FBXO11: variants seen among roughly 807,000 people sequenced by gnomAD.
FBXO11 encodes F-box protein 11, also known as F-box only protein 11.
FBXO11 carries 13 observed loss-of-function variants against 117.0 expected under a neutral mutation model. That is an observed-to-expected ratio of 0.11 (90% CI 0.07 to 0.18). FBXO11 has a LOEUF of 0.18. FBXO11 is among the 10% of genes least tolerant of loss of function. The pLI is 1.00. For missense variants in FBXO11, 767 were observed against 1,164.4 expected (o/e 0.66, Z 4.97); for synonymous variants, 490 against 380.5 (o/e 1.29, Z -3.35).
rs537760710 is a variant in FBXO11, at chr2:47,894,199, C to A, written c.232+11290G>T. Among the ~76,000 whole-genome samples, 6 of 152,232 alleles carry A rather than the reference C, an allele frequency of 3.9e-5. 1 individual carries two copies. The highest frequency in any genetic ancestry group is 1.4e-4 in the African/African-American group (6 of 41,554). ...GATGCTGGGCAGAGGCACTTTTTCACCTTCCTCCTATACACCAGGAACGGA... is the reference window on the plus strand; with the variant it reads ...GATGCTGGGCAGAGGCACTTTTTCAACTTCCTCCTATACACCAGGAACGGA... On this transcript the variant is annotated intron_variant, in intron 1 of 22. Transcript: ENST00000403359.
intron 11 of FBXO11, among the ~76,000 whole-genome samples, chr2:47,828,141 A>T (rs1436816591): frequency 6.6e-6 from 1 of 152,128 alleles, no homozygotes; most frequent in African/African-American, 2.4e-5. Context: ...CACCATGCCC[A>T]GCTAATTTTT....
Position 47,818,984 on chromosome 2 carries a change from C to T in FBXO11, c.1892G>A (p.Arg631Lys). 2 of 1,613,924 alleles carry T rather than the reference C, an allele frequency of 1.2e-6. No homozygotes were observed. Among genetic ancestry groups the T allele is most frequent in the Non-Finnish European group, 1.7e-6 (2 of 1,179,990 alleles). The stretch of plus-strand genomic sequence containing the variant: ...CTTGCCACTGTGTATCCGGTTTCTT[C>T]TCAGTACTGGAGTGCTGCCAGTTGT... ...WVTTGSTPVL[R>K]RNRIHSGKQV... Residue 631 changes from arginine to lysine, a missense_variant, in exon 15 of 23, where the codon AGA becomes AAA. Transcript: ENST00000403359.
chr2:47,883,851 C>CT (rs1001930390), intron 1 of FBXO11: 11 of 190,464 alleles, frequency 5.8e-5, no homozygotes, highest in Admixed American at 5.5e-4. Context: ...CAGCAAGCCA[C>CT]TTTGACAGAT....
At chr2:47,897,410 C>G (rs1380013806) in intron 1 of FBXO11, among the ~76,000 whole-genome samples, 1 of 152,136 alleles carries the variant, frequency 6.6e-6, no homozygotes, top group African/African-American at 2.4e-5. Context: ...TAAAGAAAAA[C>G]TTCTGGTCGG....
Position 47,863,055 on chromosome 2 carries a change from CAA to C in FBXO11, c.233-23288_233-23287del, listed in dbSNP as rs763187950. 3.2e-4 allele frequency among the ~76,000 whole-genome samples: 24 copies of C among 73,944 alleles called. No homozygotes were observed. The East Asian group carries it at 6.8e-3, about 21-fold the overall frequency. 48.5% of individuals were successfully genotyped at this position (73,944 alleles called of 152,430 possible). On this transcript the variant is annotated intron_variant, in intron 1 of 22. Transcript: ENST00000403359. ...GGGTGACAAGCGTAAAACTGTGTCT[CAA>C]AAAAAAAAAAAAAACAAAAAAACAA...
chr2:47,849,302 G>T (rs1171285272), intron 1 of FBXO11, among the ~76,000 whole-genome samples: 1 of 152,126 alleles, frequency 6.6e-6, no homozygotes, highest in African/African-American at 2.4e-5. Flanking sequence ...CTTGCTGTAA[G>T]CAAATGTTTC....
At chr2:47,859,727 TTAAAAA>T (rs1212918211) in intron 1 of FBXO11, among the ~76,000 whole-genome samples, 1 of 152,218 alleles carries the variant, frequency 6.6e-6, no homozygotes, top group African/African-American at 2.4e-5. Flanking sequence ...ATCATTTTGA[TTAAAAA>T]TATTTCCAAA....
At chr2:47,830,990 A>C (rs1266636001) in intron 11 of FBXO11, among the ~76,000 whole-genome samples, 2 of 151,982 alleles carry the variant, frequency 1.3e-5, no homozygotes, top group East Asian at 3.9e-4. Flanking sequence ...GTAGAGACAG[A>C]GTTTCACCAT....
chr2:47,834,971 A>G (rs915780879), intron 5 of FBXO11, 100 bp from the exon 6 acceptor site: 207 of 808,868 alleles, frequency 2.6e-4, no homozygotes, highest in Admixed American at 2.0e-4. Context: ...ACAAATCAAA[A>G]ATAATTCTCA....
intron 1 of FBXO11, among the ~76,000 whole-genome samples, chr2:47,855,257 G>C (rs1039841520): frequency 3.3e-5 from 5 of 151,252 alleles, no homozygotes; most frequent in African/African-American, 4.9e-5. Flanking sequence ...ATAGACTGCA[G>C]TGGCATGATC....
intron 1 of FBXO11, among the ~76,000 whole-genome samples, chr2:47,841,830 G>A (rs1039780382): frequency 1.3e-5 from 2 of 151,730 alleles, no homozygotes; most frequent in South Asian, 2.1e-4. Flanking sequence ...TGGTAGAGAC[G>A]GGGTTTCACC....
chr2:47,845,050 A>G (rs1673300917), intron 1 of FBXO11, among the ~76,000 whole-genome samples: 1 of 152,142 alleles, frequency 6.6e-6, no homozygotes, highest in East Asian at 1.9e-4. Context: ...CAACACTCAA[A>G]AGTACATTCT....
In FBXO11 at chr2:47,905,475, T is replaced by A; in HGVS notation, c.232+14A>T. On this transcript the variant is annotated intron_variant, in intron 1 of 22. Transcript: ENST00000403359. The stretch of plus-strand genomic sequence containing the variant: ...CCCGGGAAGGCGGGCGGTTGGGAGG[T>A]AGCGCGGCCTTACCCCGCTCGCCGA... 8.2e-7 allele frequency: 1 copy of A among 1,220,562 alleles called. No homozygotes were observed. The highest frequency in any genetic ancestry group is 1.0e-6 in the Non-Finnish European group (1 of 981,194). 75.6% of individuals were successfully genotyped at this position (1,220,562 alleles called of 1,614,324 possible). A position where few individuals can be genotyped will look rare whatever the true frequency, so the allele number is the denominator to read the frequency against.
chr2:47,874,059 A>T (rs1675817653), intron 1 of FBXO11, among the ~76,000 whole-genome samples: 1 of 152,044 alleles, frequency 6.6e-6, no homozygotes, highest in African/African-American at 2.4e-5. Context: ...CTAAAAAGAC[A>T]AAAAATTAGC....
chr2:47,869,041 A>G (rs1265514702), intron 1 of FBXO11, among the ~76,000 whole-genome samples: 1 of 152,196 alleles, frequency 6.6e-6, no homozygotes, highest in Non-Finnish European at 1.5e-5. Flanking sequence ...GCTAGGTGGC[A>G]ATACTTTGTA....
intron 1 of FBXO11, among the ~76,000 whole-genome samples, chr2:47,888,448 A>G (rs1387904984): frequency 2.0e-5 from 3 of 152,226 alleles, no homozygotes; most frequent in Non-Finnish European, 2.9e-5. Flanking sequence ...ACCAAAAAAG[A>G]AAGGATGTAA....
At chr2:47,858,316 T>A (rs992690324) in intron 1 of FBXO11, among the ~76,000 whole-genome samples, 4 of 151,674 alleles carry the variant, frequency 2.6e-5, no homozygotes, top group Non-Finnish European at 5.9e-5. Flanking sequence ...AGCCCACTTA[T>A]CCAAGTTTTC....
At chr2:47,834,101 G>A (rs1262032592) in intron 7 of FBXO11, among the ~76,000 whole-genome samples, 4 of 152,146 alleles carry the variant, frequency 2.6e-5, no homozygotes, top group Non-Finnish European at 4.4e-5. Context: ...TGTAATCCCC[G>A]CACTTTGGAA....
intron 17 of FBXO11, among the ~76,000 whole-genome samples, 176 bp downstream of exon 17, chr2:47,813,615 T>C (rs1423936858): frequency 6.6e-6 from 1 of 151,796 alleles, no homozygotes; most frequent in Non-Finnish European, 1.5e-5. Context: ...TAATATTTAG[T>C]AGAGACAGGG....
Sources: allele counts gnomAD v4.1 joint callset (sites outside exome capture counted in the v4.1 genomes callset), GRCh38; gene constraint gnomAD v4.1.1; transcripts MANE v1.5; gene names NCBI Gene and HGNC (gene_info 2026-07-23, HGNC 2026-07-21).